The following ATXN7 variants were observed in gnomAD, a reference collection of about 807,000 sequenced individuals.
ATXN7 encodes ataxin 7.
ATXN7 carries 12 observed loss-of-function variants against 70.5 expected under a neutral mutation model. The ratio of observed to expected loss-of-function variants is 0.17; its 90% CI spans 0.11 to 0.28. ATXN7 has a LOEUF of 0.28. Among genes scored for constraint, ATXN7 ranks in the 10% least tolerant of loss-of-function variants. The pLI is 1.00. For synonymous variants in ATXN7, 498 were observed against 448.7 expected, an observed-to-expected ratio of 1.11 and a Z score of -1.39; for missense variants, 1,256 against 1,131.7, an observed-to-expected ratio of 1.11 and a Z score of -1.58.
In ATXN7 at chr3:63,990,185, C is replaced by G. The variant is rs1467319786; in HGVS notation, c.1371C>G (p.Gly457=). The G allele has an allele frequency of 6.2e-7, 1 of 1,612,954 alleles. No homozygotes were observed. The highest frequency in any genetic ancestry group is 8.5e-7 in the Non-Finnish European group (1 of 1,180,024). Residue 457 remains glycine (G), a synonymous_variant, in exon 10 of 13, where the codon GGC becomes GGG. Coordinates refer to ENST00000674280, the MANE Select transcript of ATXN7 (RefSeq NM_001377405.1). ...CTTTCTACTCACCAAGGCCTCCAGG[C>G]TGCCCTGCTCAGCAAGGTGGGAGTG... ...PHTPSLPRPP[G]CPAQQGGSAP...
At chr3:63,869,367 T>G (rs1702532346) in intron 1 of ATXN7, among the ~76,000 whole-genome samples, 1 of 152,226 alleles carries the variant, frequency 6.6e-6, no homozygotes, top group Non-Finnish European at 1.5e-5. Context: ...GGTAGCCATT[T>G]TGAAGACAGT....
chr3:63,943,713 T>C (rs1025191195), intron 4 of ATXN7, among the ~76,000 whole-genome samples: 6 of 152,190 alleles, frequency 3.9e-5, no homozygotes, highest in Non-Finnish European at 8.8e-5. Flanking sequence ...CATGTGTTTA[T>C]ATTAGCTGCA....
chr3:63,912,809 T>C lies in ATXN7; in HGVS notation c.211T>C (p.Ser71Pro), dbSNP rs201561286. Reference protein sequence around the residue: ...EDGGPGAASTSAAAMATVGER... With the variant: ...EDGGPGAASTPAAAMATVGER... ...CGGCGGGCCCGGCGCCGCCTCCACC[T>C]CGGCCGCCGCAATGGCGACGGTCGG... Residue 71 changes from serine (S) to proline (P), a missense_variant, in exon 3 of 13, where the codon TCG (serine) becomes CCG (proline). Physicochemically the swap from Ser to Pro is moderately conservative, Grantham distance 74 (BLOSUM62 -1). Coordinates refer to ENST00000674280, the MANE Select transcript of ATXN7 (RefSeq NM_001377405.1). 1.9e-6 allele frequency: 3 copies of C among 1,564,864 alleles called. No homozygotes were observed. The highest frequency in any genetic ancestry group is 2.6e-6 in the Non-Finnish European group (3 of 1,158,852).
At chr3:63,941,026 C>A (rs534555471) in intron 4 of ATXN7, among the ~76,000 whole-genome samples, 2 of 152,324 alleles carry the variant, frequency 1.3e-5, no homozygotes, top group South Asian at 4.1e-4. Context: ...CCCCACCTGC[C>A]ATTCCTAACG....
At chr3:63,913,865 G>A (rs920030751) in intron 4 of ATXN7, among the ~76,000 whole-genome samples, 7 of 152,118 alleles carry the variant, frequency 4.6e-5, no homozygotes, top group African/African-American at 1.4e-4. Flanking sequence ...GATACACTAG[G>A]GAAATAGGGT....
chr3:63,956,965 A>G (rs2075049794), intron 5 of ATXN7, among the ~76,000 whole-genome samples: 1 of 152,202 alleles, frequency 6.6e-6, no homozygotes. Flanking sequence ...TAGTTTAGTG[A>G]TAAGTGTGTT....
At chr3:63,868,943 T>C (rs570584626) in intron 1 of ATXN7, among the ~76,000 whole-genome samples, 1 of 152,150 alleles carries the variant, frequency 6.6e-6, no homozygotes, top group South Asian at 2.1e-4. Flanking sequence ...GGTACCTGTG[T>C]TGATTTTTGT....
In ATXN7 at chr3:63,982,200, T is replaced by A. The variant is rs772810002; in HGVS notation, c.767T>A (p.Val256Glu). The A allele has an allele frequency of 6.2e-7, 1 of 1,614,062 alleles. No individual in the cohort carries two copies. The highest frequency in any genetic ancestry group is 2.2e-5 in the East Asian group (1 of 44,856). The stretch of plus-strand genomic sequence containing the variant: ...TCCTGTGACAGCATGACACCCTCTG[T>A]GAAAGTGGAAAAGATTCATCCGAAA... ...VPHGRIMTPS[V>E]KVEKIHPKMD... is the part of the protein sequence containing the mutation. Residue 256 changes from valine (V) to glutamate (E), a missense_variant, in exon 7 of 13, where the codon GTG becomes GAG. By Grantham distance (121) the Val-to-Glu change is moderately radical. Coordinates refer to ENST00000674280, the MANE Select transcript of ATXN7 (RefSeq NM_001377405.1).
intron 5 of ATXN7, among the ~76,000 whole-genome samples, chr3:63,972,311 A>G (rs1014532402): frequency 1.3e-5 from 2 of 152,194 alleles, no homozygotes; most frequent in East Asian, 1.9e-4. Context: ...AACCTTCATT[A>G]TTGAAAGTCC....
At chr3:63,951,351 G>C (rs1465799693) in intron 4 of ATXN7, among the ~76,000 whole-genome samples, 1 of 152,066 alleles carries the variant, frequency 6.6e-6, no homozygotes, top group Non-Finnish European at 1.5e-5. Flanking sequence ...CCCGGCTGGA[G>C]AAAGTGTGAA....
chr3:63,998,201 G>C, intron 12 of ATXN7: 7 of 692,950 alleles, frequency 1.0e-5, no homozygotes, highest in Non-Finnish European at 1.2e-5. Flanking sequence ...AAGGACAGAA[G>C]GGGGGGGGGC....
intron 4 of ATXN7, among the ~76,000 whole-genome samples, chr3:63,940,885 G>A (rs1035851958): frequency 6.6e-6 from 1 of 152,126 alleles, no homozygotes; most frequent in Admixed American, 6.5e-5. Context: ...TCCAGATTTG[G>A]GACACATGGC....
chr3:63,888,653 A>G (rs977513966), intron 1 of ATXN7, among the ~76,000 whole-genome samples: 4 of 152,112 alleles, frequency 2.6e-5, no homozygotes, highest in African/African-American at 9.7e-5. Context: ...TCAAGTGCCT[A>G]TAATCCCAGT....
At chr3:63,864,311 G>T (rs1392471463) in intron 1 of ATXN7, among the ~76,000 whole-genome samples, 153 bp downstream of exon 1, 1 of 152,002 alleles carries the variant, frequency 6.6e-6, no homozygotes, top group South Asian at 2.1e-4. Context: ...CGTTTCCCTG[G>T]GGGGTGGGGA....
chr3:63,989,185 T>C (rs1048816789), intron 9 of ATXN7, among the ~76,000 whole-genome samples: 1 of 152,214 alleles, frequency 6.6e-6, no homozygotes, highest in Admixed American at 6.5e-5. Flanking sequence ...TGCAGTATGC[T>C]GGAGGAGCCA....
At chr3:63,882,657 A>G (rs1183645281) in intron 1 of ATXN7, among the ~76,000 whole-genome samples, 1 of 152,086 alleles carries the variant, frequency 6.6e-6, no homozygotes, top group Admixed American at 6.6e-5. Flanking sequence ...AAGTGCTGGG[A>G]TTACAGGTGT....
At chr3:63,980,772 G>T (rs746122231) in intron 6 of ATXN7, 12 of 152,848 alleles carry the variant, frequency 7.9e-5, no homozygotes, top group Non-Finnish European at 1.6e-4. Context: ...ATGATAAAAA[G>T]ATGCAGAGAT....
rs1019740236 is a variant in ATXN7, at chr3:63,982,465, C to G, written c.1012+20C>G. 3 of 1,547,914 alleles carry G rather than the reference C, an allele frequency of 1.9e-6. No homozygotes were observed. Among genetic ancestry groups the G allele is most frequent in the South Asian group, 1.1e-5 (1 of 87,196 alleles). ...TATCAGGTAACTTCAAATTTTCTTT[C>G]TTCATAATGCTTCTCTATATATTAA... is the stretch of plus-strand genomic sequence containing the variant. On this transcript the variant is annotated intron_variant, in intron 7 of 12. Coordinates refer to ENST00000674280, the MANE Select transcript of ATXN7 (RefSeq NM_001377405.1).
At chr3:63,911,411 T>C (rs1704009370) in intron 2 of ATXN7, 1 of 152,144 alleles carries the variant, frequency 6.6e-6, no homozygotes, top group East Asian at 1.9e-4. Context: ...GAAAACAGTA[T>C]TTTCTAAACA....
Sources: gnomAD v4.1 joint callset for allele counts (sites outside exome capture counted in the v4.1 genomes callset) on GRCh38, gnomAD v4.1.1 for gene constraint, MANE v1.5 for transcripts, NCBI Gene and HGNC (gene_info 2026-07-23, HGNC 2026-07-21) for gene names.